TRPM3: variants seen among roughly 807,000 people sequenced by gnomAD.
TRPM3 encodes transient receptor potential cation channel subfamily M member 3.
In TRPM3, 77 loss-of-function variants were observed where a neutral mutation model predicts 181.2. The ratio of observed to expected loss-of-function variants is 0.42; its 90% CI spans 0.35 to 0.51. The LOEUF (loss-of-function observed/expected upper bound fraction) is 0.51. TRPM3 is among the 20% of genes least tolerant of loss of function. The pLI is 0.01. For missense variants in TRPM3, 1,759 were observed against 2,196.7 expected (o/e 0.80, Z 3.98); for synonymous variants, 745 against 796.4 (o/e 0.94, Z 1.09).
intron 1 of TRPM3, among the ~76,000 whole-genome samples, chr9:71,062,817 C>T (rs1177173873): frequency 6.6e-6 from 1 of 152,046 alleles, no homozygotes; most frequent in Non-Finnish European, 1.5e-5. Flanking sequence ...CACTCACACC[C>T]TCTCTTGGCC....
Position 70,755,957 on chromosome 9 carries a change from C to G in TRPM3, c.1272+5644G>C, listed in dbSNP as rs560015050. ...CCAGCTAGCATCATAATAACAGGAT[C>G]AAATTCACATATAGCAACATTAACC... On this transcript the variant is annotated intron_variant, in intron 8 of 25. Transcript: ENST00000677713. 3.3e-5 allele frequency among the ~76,000 whole-genome samples: 5 copies of G among 152,196 alleles called. No homozygotes were observed. In the East Asian group the frequency reaches 9.7e-4, roughly 29 times the overall value.
At chr9:70,857,335 G>T (rs2095413496) in intron 3 of TRPM3, among the ~76,000 whole-genome samples, 1 of 152,042 alleles carries the variant, frequency 6.6e-6, no homozygotes, top group African/African-American at 2.4e-5. Flanking sequence ...TGGTTTCACT[G>T]TGATTTTATG....
At chr9:70,855,452 G>A (rs1214792998) in intron 3 of TRPM3, among the ~76,000 whole-genome samples, 1 of 152,158 alleles carries the variant, frequency 6.6e-6, no homozygotes, top group Non-Finnish European at 1.5e-5. Context: ...AAATGTAAAG[G>A]AACTGCAGAA....
chr9:71,309,797 A>G (rs1446231166), intron 1 of TRPM3, among the ~76,000 whole-genome samples: 1 of 145,774 alleles, frequency 6.9e-6, no homozygotes, highest in East Asian at 1.9e-4. Flanking sequence ...AAATGCCATG[A>G]AAGTATCATG....
At chr9:71,376,621 CTG>C (rs2092673561) in intron 1 of TRPM3, among the ~76,000 whole-genome samples, 1 of 151,932 alleles carries the variant, frequency 6.6e-6, no homozygotes, top group Non-Finnish European at 1.5e-5. Context: ...GGTTCAATAA[CTG>C]TTAGCTATTT....
intron 7 of TRPM3, among the ~76,000 whole-genome samples, chr9:70,771,191 A>C (rs2080184646): frequency 6.6e-6 from 1 of 152,156 alleles, no homozygotes; most frequent in Non-Finnish European, 1.5e-5. Context: ...AATATTTTTG[A>C]AGTCTGTATG....
intron 1 of TRPM3, among the ~76,000 whole-genome samples, chr9:71,441,008 T>A (rs1312753953): frequency 6.6e-6 from 1 of 152,186 alleles, no homozygotes; most frequent in Non-Finnish European, 1.5e-5. Flanking sequence ...AGACTTAAAA[T>A]CATCACAATG....
At chr9:70,889,086 G>A (rs1293967622) in intron 1 of TRPM3, among the ~76,000 whole-genome samples, 2 of 152,138 alleles carry the variant, frequency 1.3e-5, no homozygotes, top group Non-Finnish European at 2.9e-5. Context: ...GGGTGGCACA[G>A]CCAGCAAGAA....
intron 1 of TRPM3, among the ~76,000 whole-genome samples, chr9:71,383,159 T>C (rs2092841983): frequency 6.6e-6 from 1 of 152,168 alleles, no homozygotes; most frequent in Non-Finnish European, 1.5e-5. Flanking sequence ...ACACCAGCAT[T>C]TTATATCACT....
intron 1 of TRPM3, among the ~76,000 whole-genome samples, chr9:71,168,671 A>AT (rs1354988309): frequency 8.4e-6 from 1 of 118,990 alleles, no homozygotes; most frequent in Non-Finnish European, 1.8e-5. Flanking sequence ...TATCCCTGAC[A>AT]TTTTTCTACA....
intron 1 of TRPM3, among the ~76,000 whole-genome samples, chr9:71,379,109 T>C (rs1262740365): frequency 6.6e-6 from 1 of 152,030 alleles, no homozygotes. Context: ...GTTTTCTTAT[T>C]GTACAATATT....
chr9:71,034,541 T>C (rs1265826214), intron 1 of TRPM3, among the ~76,000 whole-genome samples: 1 of 151,976 alleles, frequency 6.6e-6, no homozygotes, highest in Non-Finnish European at 1.5e-5. Flanking sequence ...ATCTAGGGTG[T>C]AAGGGTGGGG....
At chr9:70,561,982 CTG>C (rs1012898853) in intron 22 of TRPM3, among the ~76,000 whole-genome samples, 5 of 152,188 alleles carry the variant, frequency 3.3e-5, no homozygotes, top group African/African-American at 1.2e-4. Context: ...TTAGGAAAGA[CTG>C]AGCTCAAGCA....
chr9:71,370,657 T>C (rs1042620427), intron 1 of TRPM3, among the ~76,000 whole-genome samples: 1 of 152,190 alleles, frequency 6.6e-6, no homozygotes, highest in Non-Finnish European at 1.5e-5. Context: ...AACATAAAAT[T>C]ACAAGGTGAA....
At chr9:70,632,882 C>T (rs149714579) in intron 12 of TRPM3, among the ~76,000 whole-genome samples, 5 of 152,190 alleles carry the variant, frequency 3.3e-5, no homozygotes, top group South Asian at 2.1e-4. Context: ...ATACAAGTGA[C>T]GTGAGCAAAT....
chr9:71,407,025 T>A (rs2093448942), intron 1 of TRPM3, among the ~76,000 whole-genome samples: 1 of 152,206 alleles, frequency 6.6e-6, no homozygotes, highest in Non-Finnish European at 1.5e-5. Flanking sequence ...GTGGCTTAAA[T>A]TCACCAAATT....
At chr9:70,591,647 C>T (rs752283686) in intron 21 of TRPM3, among the ~76,000 whole-genome samples, 17 of 152,050 alleles carry the variant, frequency 1.1e-4, no homozygotes, top group South Asian at 4.2e-4. Flanking sequence ...ATTCCAAGAG[C>T]GACTGCAATG....
chr9:71,033,041 T>A (rs2134718524), intron 1 of TRPM3, among the ~76,000 whole-genome samples: 1 of 152,354 alleles, frequency 6.6e-6, no homozygotes, highest in East Asian at 1.9e-4. Context: ...TTTTGGCACC[T>A]ATCTGATAGT....
At chr9:71,245,124 T>C (rs1197399872) in intron 1 of TRPM3, among the ~76,000 whole-genome samples, 2 of 151,888 alleles carry the variant, frequency 1.3e-5, no homozygotes, top group African/African-American at 4.8e-5. Context: ...TGTAGAAAGG[T>C]GGTTTTGTGT....
Sources: gnomAD v4.1 joint callset for allele counts (sites outside exome capture counted in the v4.1 genomes callset) on GRCh38, gnomAD v4.1.1 for gene constraint, MANE v1.5 for transcripts, NCBI Gene and HGNC (gene_info 2026-07-23, HGNC 2026-07-21) for gene names.